Variants in F11R observed in about 807,000 individuals in gnomAD.
The protein encoded by F11R is junctional adhesion molecule A.
A neutral mutation model predicts 39.3 loss-of-function variants in F11R; 27 were observed. The ratio of observed to expected loss-of-function variants is 0.69; its 90% CI spans 0.51 to 0.95. The LOEUF is 0.95. Ranked by LOEUF, F11R falls within the 40% of genes least tolerant of loss-of-function variation. The probability of loss-of-function intolerance (pLI) is 0.00; values close to 1 mark genes in which losing one functional copy is unlikely to be tolerated. For missense variants in F11R, 335 were observed against 372.7 expected, an observed-to-expected ratio of 0.90 and a Z score of 0.83; for synonymous variants, 131 against 144.9, an observed-to-expected ratio of 0.90 and a Z score of 0.69.
intron 1 of F11R, among the ~76,000 whole-genome samples, chr1:161,014,106 G>A (rs953397069): frequency 2.0e-5 from 3 of 152,134 alleles, no homozygotes; most frequent in Non-Finnish European, 2.9e-5. Context: ...TTCCACAACC[G>A]TCACACAATA....
At chr1:161,013,739 G>A (rs1014736434) in intron 1 of F11R, among the ~76,000 whole-genome samples, 1 of 152,184 alleles carries the variant, frequency 6.6e-6, no homozygotes, top group Non-Finnish European at 1.5e-5. Context: ...CTCTGAGGAT[G>A]GCAGAAAGTG....
chr1:160,999,015 C>A, intron 9 of F11R, 28 bp downstream of exon 9: 1 of 1,614,178 alleles, frequency 6.2e-7, no homozygotes, highest in African/African-American at 1.3e-5. Context: ...CCAGGTGGCC[C>A]ACCCCTGCCC....
intron 1 of F11R, among the ~76,000 whole-genome samples, chr1:161,013,134 A>G (rs77605261): frequency 1.1e-4 from 16 of 139,862 alleles, no homozygotes; most frequent in South Asian, 6.8e-4. Flanking sequence ...TCATTTAGGG[A>G]AAAAAAAAAA....
rs992634993 is a variant in F11R, at chr1:160,997,365, G to C, written c.*1506C>G. On this transcript the variant is annotated 3_prime_UTR_variant, in exon 10 of 10. Coordinates refer to ENST00000368026, the MANE Select transcript of F11R (RefSeq NM_016946.6). ...AGTTCCTACAGCTGTAGGGAGGTCT[G>C]TTAATGCACCTGGCTGAACAGGAGG... 1.3e-5 allele frequency: 2 copies of C among 152,394 alleles called. No homozygotes were observed. Among genetic ancestry groups the C allele is most frequent in the African/African-American group, 4.8e-5 (2 of 41,460 alleles). 9.4% of individuals were successfully genotyped at this position (152,394 alleles called of 1,614,324 possible).
chr1:161,001,473 C>G (rs1648487342), intron 1 of F11R, 120 bp from the exon 2 acceptor site: 1 of 759,194 alleles, frequency 1.3e-6, no homozygotes, highest in Admixed American at 2.5e-5. Context: ...GAAGGGATTC[C>G]AGACTTATGC....
chr1:161,007,092 A>C lies in F11R; in HGVS notation c.65-5739T>G, dbSNP rs547957816. Among the ~76,000 whole-genome samples the C allele has an allele frequency of 2.7e-5, 4 of 150,542 alleles. No individual in the cohort carries two copies. In the South Asian group the frequency reaches 8.4e-4, roughly 32 times the overall value. On this transcript the variant is annotated intron_variant, in intron 1 of 9. Coordinates refer to ENST00000368026, the MANE Select transcript of F11R (RefSeq NM_016946.6). ...AGGCTGAGGCAGGAGAATCGCTTGA[A>C]CCTGGGAAGCAGAGGTTGCAGTGAG...
At chr1:161,014,835 CA>C (rs1166871019) in intron 1 of F11R, among the ~76,000 whole-genome samples, 1 of 150,656 alleles carries the variant, frequency 6.6e-6, no homozygotes, top group Non-Finnish European at 1.5e-5. Flanking sequence ...TTTGGGAGGC[CA>C]ATGGGGGCAG....
intron 1 of F11R, among the ~76,000 whole-genome samples, chr1:161,016,607 A>G (rs550065472): frequency 1.3e-5 from 2 of 152,306 alleles, no homozygotes; most frequent in South Asian, 4.1e-4. Context: ...CAGTGAGCCA[A>G]GATCATGCTA....
intron 7 of F11R, 62 bp from the exon 8 acceptor site, chr1:160,999,470 G>A: frequency 6.2e-7 from 1 of 1,611,212 alleles, no homozygotes; most frequent in African/African-American, 1.3e-5. Context: ...GGCTTGGGAA[G>A]ATGGAGGGGC....
At position 160,999,893 on chromosome 1, in the gene F11R, G is replaced by C. The variant is rs533878408; in HGVS notation, c.677C>G (p.Ala226Gly). 6 of 1,614,150 alleles carry C rather than the reference G, an allele frequency of 3.7e-6. No homozygotes were observed. Among genetic ancestry groups the C allele is most frequent in the Non-Finnish European group, 5.1e-6 (6 of 1,179,980 alleles). The change falls in exon 6 of 10, where the codon GCT becomes GGT. Residue 226 changes from alanine to glycine, a missense_variant. Transcript: ENST00000368026. ...ACTCTCACCAGCTTCCATGCGCACA[G>C]CATTTGAAGTCATGGGTGTCCCATA... The part of the protein sequence containing the change: ...NGYGTPMTSN[A>G]VRMEAVERNV...
chr1:161,011,798 G>A (rs1346298212), intron 1 of F11R, among the ~76,000 whole-genome samples: 1 of 151,450 alleles, frequency 6.6e-6, no homozygotes, highest in Non-Finnish European at 1.5e-5. Flanking sequence ...ATAAAGACTA[G>A]AATGAAACAC....
At chr1:161,000,864 G>A (rs1648439075) in intron 3 of F11R, 87 bp from the exon 4 acceptor site, 3 of 1,548,608 alleles carry the variant, frequency 1.9e-6, no homozygotes, top group African/African-American at 1.4e-5. Context: ...GTACGCAAGT[G>A]CTCTCCTCTT....
At chr1:161,016,456 CAG>C (rs759166820) in intron 1 of F11R, among the ~76,000 whole-genome samples, 1 of 149,770 alleles carries the variant, frequency 6.7e-6, no homozygotes, top group African/African-American at 2.5e-5. Flanking sequence ...AGCCTGGCGA[CAG>C]AGAGAGACTC....
chr1:160,998,304 C>T lies in F11R; in HGVS notation c.*567G>A, dbSNP rs1648246569. 1 of 156,562 alleles carries T rather than the reference C, an allele frequency of 6.4e-6. No homozygotes were observed. Among genetic ancestry groups the T allele is most frequent in the African/African-American group, 2.4e-5 (1 of 41,490 alleles). 9.7% of individuals were successfully genotyped at this position (156,562 alleles called of 1,614,324 possible). The stretch of plus-strand genomic sequence containing the variant: ...CAGTCAATGTCAGTCAGCTTGTATT[C>T]AGGAGGACAGGGCAGAGGGATCCCA... On this transcript the variant is annotated 3_prime_UTR_variant, in exon 10 of 10. Transcript: ENST00000368026.
At chr1:161,015,457 T>C (rs960139515) in intron 1 of F11R, among the ~76,000 whole-genome samples, 16 of 136,348 alleles carry the variant, frequency 1.2e-4, no homozygotes, top group Non-Finnish European at 2.3e-4. Flanking sequence ...CCAAGAATGG[T>C]GGTGCACGCT....
In F11R at chr1:160,999,883, C is replaced by T; in HGVS notation, c.687G>A (p.Met229Ile). 1 of 1,614,144 alleles carries T rather than the reference C, an allele frequency of 6.2e-7. No individual in the cohort carries two copies. The highest frequency in any genetic ancestry group is 1.1e-5 in the South Asian group (1 of 91,078). ...GTPMTSNAVR[M>I]EAVERNVGVI... ...TCAAGCCCTAACTCTCACCAGCTTC[C>T]ATGCGCACAGCATTTGAAGTCATGG... Residue 229 changes from methionine to isoleucine, a missense_variant, in exon 6 of 10, where the codon ATG becomes ATA. Physicochemically the swap from Met to Ile is conservative, Grantham distance 10. Coordinates refer to ENST00000368026, the MANE Select transcript of F11R (RefSeq NM_016946.6).
rs1179736306 is a variant in F11R at position 160,996,045 on chromosome 1, G to GA, written c.*2825dup. On this transcript the variant is annotated 3_prime_UTR_variant, in exon 10 of 10. Coordinates refer to ENST00000368026, the MANE Select transcript of F11R (RefSeq NM_016946.6). ...TATTTGCATTTAAACACAGGCCAAT[G>GA]AAAAAAGCTAAATTAAAACGTAATT... 4 of 152,146 alleles carry GA rather than the reference G, an allele frequency of 2.6e-5. No homozygotes were observed. The highest frequency in any genetic ancestry group is 9.7e-5 in the African/African-American group (4 of 41,382). The allele number at this position is 152,146 out of a possible 1,614,324, so 9.4% of individuals were successfully genotyped here. A position where few individuals can be genotyped will look rare whatever the true frequency, so the allele number is the denominator to read the frequency against.
chr1:161,014,905 T>TAAA (rs1396162690), intron 1 of F11R, among the ~76,000 whole-genome samples: 1 of 78,758 alleles, frequency 1.3e-5, no homozygotes, highest in Non-Finnish European at 2.6e-5. Context: ...CCATCTCTAC[T>TAAA]AAAAATACAA....
intron 6 of F11R, 26 bp downstream of exon 6, chr1:160,999,850 G>A (rs775448381): frequency 6.2e-7 from 1 of 1,612,074 alleles, no homozygotes; most frequent in Non-Finnish European, 8.5e-7. Flanking sequence ...CCCACCCCAG[G>A]TCTGGGCTCA....
Sources: allele counts gnomAD v4.1 joint callset (sites outside exome capture counted in the v4.1 genomes callset), GRCh38; gene constraint gnomAD v4.1.1; transcripts MANE v1.5; gene names NCBI Gene and HGNC (gene_info 2026-07-23, HGNC 2026-07-21).